KCNQ5: variants seen among roughly 807,000 people sequenced by gnomAD.
KCNQ5 encodes potassium voltage-gated channel subfamily KQT member 5.
In KCNQ5, 30 loss-of-function variants were observed where a neutral mutation model predicts 98.2. That is an observed-to-expected ratio of 0.31 (90% CI 0.23 to 0.41). The LOEUF (loss-of-function observed/expected upper bound fraction) is 0.41. KCNQ5 is among the 10% of genes least tolerant of loss of function. KCNQ5 has a pLI of 1.00. For missense variants in KCNQ5, 835 were observed against 1,182.5 expected (o/e 0.71, Z 4.31); for synonymous variants, 458 against 449.4 (o/e 1.02, Z -0.24).
chr6:73,151,848 G>A (rs1777163827), intron 10 of KCNQ5, among the ~76,000 whole-genome samples: 1 of 152,142 alleles, frequency 6.6e-6, no homozygotes, highest in South Asian at 2.1e-4. Flanking sequence ...ATTTCAGACA[G>A]TAAAAATCCA....
Position 72,854,721 on chromosome 6 carries a change from TACACACACACACAC to T in KCNQ5, c.399-149170_399-149157del, listed in dbSNP as rs59899899. Reference sequence around the variant, plus strand: ...TAGTAACAACCTCTCTCTTTCTTTGTACACACACACACACACACACACACACACACCATGGTTTG... The same window carrying T: ...TAGTAACAACCTCTCTCTTTCTTTGTACACACACACACACACCATGGTTTG... On this transcript the variant is annotated intron_variant, in intron 1 of 13. Transcript: ENST00000370398. Among the ~76,000 whole-genome samples the T allele has an allele frequency of 5.3e-3, 668 of 126,842 alleles. 11 individuals carry two copies. The highest frequency in any genetic ancestry group is 0.019 in the African/African-American group (648 of 33,794). 83.2% of individuals were successfully genotyped at this position (126,842 alleles called of 152,430 possible).
In KCNQ5 at chr6:72,905,827, C is replaced by G. The variant is rs78677137; in HGVS notation, c.399-98081C>G. On this transcript the variant is annotated intron_variant, in intron 1 of 13. Transcript: ENST00000370398. The stretch of plus-strand genomic sequence containing the variant: ...AGGGGGGTGAAATGGACTCTATGCT[C>G]GTTCTTAACTTTGGTGGTTTAATGC... 7.9e-3 allele frequency among the ~76,000 whole-genome samples: 1,196 copies of G among 152,188 alleles called. 15 individuals carry two copies. Among genetic ancestry groups the G allele is most frequent in the Admixed American group, 0.02 (312 of 15,276 alleles).
intron 1 of KCNQ5, among the ~76,000 whole-genome samples, chr6:72,837,053 T>C (rs907768993): frequency 6.6e-6 from 1 of 152,232 alleles, no homozygotes; most frequent in African/African-American, 2.4e-5. Flanking sequence ...GTGGAATTGC[T>C]AAATAATATT....
At chr6:73,101,024 C>T (rs973687566) in intron 5 of KCNQ5, among the ~76,000 whole-genome samples, 1 of 152,090 alleles carries the variant, frequency 6.6e-6, no homozygotes, top group Non-Finnish European at 1.5e-5. Context: ...AAACCTGAAA[C>T]CTGATGGCTT....
chr6:73,054,099 A>G (rs1772357241), intron 3 of KCNQ5, among the ~76,000 whole-genome samples: 1 of 152,186 alleles, frequency 6.6e-6, no homozygotes, highest in African/African-American at 2.4e-5. Context: ...CCTAGAAGAA[A>G]TGGATAAATT....
chr6:73,017,993 C>A (rs2150336499), intron 2 of KCNQ5, among the ~76,000 whole-genome samples: 1 of 152,226 alleles, frequency 6.6e-6, no homozygotes, highest in East Asian at 1.9e-4. Context: ...CCTTACTCTC[C>A]TGAACGTTAT....
chr6:72,899,127 G>T (rs1779374450), intron 1 of KCNQ5, among the ~76,000 whole-genome samples: 1 of 152,104 alleles, frequency 6.6e-6, no homozygotes, highest in Non-Finnish European at 1.5e-5. Flanking sequence ...TATGTAGGTT[G>T]CCCGCACTCT....
intron 12 of KCNQ5, 117 bp downstream of exon 12, chr6:73,190,821 G>T: frequency 1.7e-6 from 1 of 585,840 alleles, no homozygotes; most frequent in Non-Finnish European, 2.7e-6. Context: ...TTTTTAGTGG[G>T]CAAATGGAAT....
At chr6:72,762,742 T>G (rs975541305) in intron 1 of KCNQ5, among the ~76,000 whole-genome samples, 2 of 152,214 alleles carry the variant, frequency 1.3e-5, no homozygotes, top group African/African-American at 4.8e-5. Context: ...TAAGTAATAC[T>G]TATATATTGT....
chr6:72,775,363 T>G (rs1773110001), intron 1 of KCNQ5, among the ~76,000 whole-genome samples: 1 of 152,230 alleles, frequency 6.6e-6, no homozygotes, highest in African/African-American at 2.4e-5. Context: ...TTCTATTTAA[T>G]GTAAATTTGG....
chr6:73,077,975 A>G, intron 5 of KCNQ5, 88 bp downstream of exon 5: 1 of 1,072,898 alleles, frequency 9.3e-7, no homozygotes, highest in South Asian at 1.9e-5. Flanking sequence ...GATGGTTTCA[A>G]TAAAAATATT....
At chr6:72,645,018 C>T (rs1453252750) in intron 1 of KCNQ5, among the ~76,000 whole-genome samples, 1 of 151,742 alleles carries the variant, frequency 6.6e-6, no homozygotes, top group Non-Finnish European at 1.5e-5. Flanking sequence ...TAATATTACC[C>T]CATATCCCAG....
At chr6:72,906,115 G>T (rs1779689128) in intron 1 of KCNQ5, among the ~76,000 whole-genome samples, 1 of 152,096 alleles carries the variant, frequency 6.6e-6, no homozygotes, top group South Asian at 2.1e-4. Flanking sequence ...GGTTAATAGA[G>T]TTATGTAGGT....
At chr6:73,056,479 G>C (rs1446547743) in intron 3 of KCNQ5, among the ~76,000 whole-genome samples, 2 of 151,894 alleles carry the variant, frequency 1.3e-5, no homozygotes, top group African/African-American at 4.8e-5. Flanking sequence ...GGTTGAAATA[G>C]TCCCACATGT....
At position 73,077,435 on chromosome 6, in the gene KCNQ5, C is replaced by T. The variant is rs1314919218; in HGVS notation, c.730C>T (p.Arg244Cys). The T allele has an allele frequency of 1.2e-6, 2 of 1,614,102 alleles. No homozygotes were observed. The highest frequency in any genetic ancestry group is 8.5e-7 in the Non-Finnish European group (1 of 1,180,002). ...TTTCCTACAGATCCTCCGCATGGTG[C>T]GCATGGACCGAAGGGGAGGCACTTG... The part of the protein sequence containing the change: ...LRFLQILRMV[R>C]MDRRGGTWKL... Residue 244 changes from arginine to cysteine, a missense_variant, in exon 4 of 14, where the codon CGC becomes TGC. Transcript: ENST00000370398.
At chr6:72,722,577 GA>G (rs1770025394) in intron 1 of KCNQ5, among the ~76,000 whole-genome samples, 1 of 152,188 alleles carries the variant, frequency 6.6e-6, no homozygotes, top group Non-Finnish European at 1.5e-5. Flanking sequence ...GAAGTTTAGA[GA>G]TGCTCCACCT....
chr6:72,974,893 C>T (rs554990043), intron 1 of KCNQ5, among the ~76,000 whole-genome samples: 27 of 152,138 alleles, frequency 1.8e-4, no homozygotes, highest in African/African-American at 6.3e-4. Context: ...GTGCACGGCA[C>T]ACCCGGCTAA....
intron 1 of KCNQ5, among the ~76,000 whole-genome samples, chr6:72,819,815 G>T (rs111965898): frequency 6.6e-6 from 1 of 152,132 alleles, no homozygotes; most frequent in African/African-American, 2.4e-5. Flanking sequence ...TTCTCCGAAG[G>T]TAACCTAAGC....
Position 72,622,392 on chromosome 6 carries a change from TCGG to T in KCNQ5, c.204_206del (p.Gly74del). ...CTGCTGGGCACCCGCGCGGCCACGC[TCGG>T]TGGCGGCGGCGGTGGCCTGAGGGAG... On this transcript the variant is annotated inframe_deletion, in exon 1 of 14. Transcript: ENST00000370398. This position sits in a 1 kb window ranked among gnomAD's most constrained non-coding sequence, Gnocchi z 6.0. 6.8e-7 allele frequency: 1 copy of T among 1,478,658 alleles called. No homozygotes were observed. The allele number at this position is 1,478,658 out of a possible 1,614,324, so 91.6% of individuals were successfully genotyped here.
Sources: gnomAD v4.1 joint callset for allele counts (sites outside exome capture counted in the v4.1 genomes callset) on GRCh38, gnomAD v4.1.1 for gene constraint, Gnocchi (gnomAD v3.1) non-coding constraint, MANE v1.5 for transcripts, NCBI Gene and HGNC (gene_info 2026-07-23, HGNC 2026-07-21) for gene names.